CCBE1: variants seen among roughly 807,000 people sequenced by gnomAD.
CCBE1 encodes the protein collagen and calcium binding EGF domains 1, also known as collagen and calcium-binding EGF domain-containing protein 1.
A neutral mutation model predicts 50.0 loss-of-function variants in CCBE1; 37 were observed. The observed-to-expected ratio is 0.74, with a 90% CI of 0.57 to 0.97. CCBE1 has a LOEUF of 0.97. Ranked by LOEUF, CCBE1 falls within the 50% of genes least tolerant of loss-of-function variation. The pLI is 0.00. For missense variants in CCBE1, 538 were observed against 523.8 expected (o/e 1.03, Z -0.26); for synonymous variants, 234 against 203.7 (o/e 1.15, Z -1.27).
At chr18:59,481,950 G>T (rs1477656460) in intron 2 of CCBE1, among the ~76,000 whole-genome samples, 1 of 152,068 alleles carries the variant, frequency 6.6e-6, no homozygotes, top group Non-Finnish European at 1.5e-5. Context: ...AGGTTACATA[G>T]GTATACGCCA....
chr18:59,466,671 C>A (rs574501504), intron 5 of CCBE1, 68 bp downstream of exon 5: 1 of 1,074,274 alleles, frequency 9.3e-7, no homozygotes, highest in Non-Finnish European at 1.3e-6. Context: ...TATAAACCCC[C>A]AAACTGGTTA....
intron 2 of CCBE1, among the ~76,000 whole-genome samples, chr18:59,662,680 C>T (rs1477453760): frequency 6.6e-6 from 1 of 152,172 alleles, no homozygotes; most frequent in African/African-American, 2.4e-5. Flanking sequence ...AGAGCTAAGC[C>T]CAGTCATAAA....
At chr18:59,572,076 G>T (rs967740479) in intron 2 of CCBE1, among the ~76,000 whole-genome samples, 1 of 152,198 alleles carries the variant, frequency 6.6e-6, no homozygotes, top group South Asian at 2.1e-4. Flanking sequence ...ATGGTATCTG[G>T]AGAAGAAAAC....
chr18:59,551,856 C>T (rs1483364800), intron 2 of CCBE1, among the ~76,000 whole-genome samples: 1 of 152,210 alleles, frequency 6.6e-6, no homozygotes, highest in Non-Finnish European at 1.5e-5. Flanking sequence ...TCCTAGTGCT[C>T]AGTTTCTTCG....
At chr18:59,653,443 A>T (rs2054151158) in intron 2 of CCBE1, among the ~76,000 whole-genome samples, 1 of 152,230 alleles carries the variant, frequency 6.6e-6, no homozygotes, top group South Asian at 2.1e-4. Context: ...CTAGACAAAA[A>T]TCATAAACAA....
intron 2 of CCBE1, among the ~76,000 whole-genome samples, chr18:59,647,716 T>G (rs183386368): frequency 1.3e-5 from 2 of 152,340 alleles, no homozygotes; most frequent in Non-Finnish European, 1.5e-5. Context: ...TAGGTACTTA[T>G]AAGGAGAGAA....
At chr18:59,441,406 A>G (rs1910415680) in intron 7 of CCBE1, among the ~76,000 whole-genome samples, 1 of 151,264 alleles carries the variant, frequency 6.6e-6, no homozygotes, top group African/African-American at 2.4e-5. Context: ...GCTACTCAGG[A>G]GGCTGAAGCG....
intron 2 of CCBE1, among the ~76,000 whole-genome samples, chr18:59,669,479 G>A (rs1218262832): frequency 4.6e-5 from 7 of 152,208 alleles, no homozygotes; most frequent in African/African-American, 1.4e-4. Context: ...TGAGGTACAG[G>A]GAATATCTGT....
At chr18:59,537,452 T>C (rs1915295560) in intron 2 of CCBE1, among the ~76,000 whole-genome samples, 1 of 152,160 alleles carries the variant, frequency 6.6e-6, no homozygotes, top group Non-Finnish European at 1.5e-5. Context: ...AGTGAATAAG[T>C]CTCATGAGAC....
intron 3 of CCBE1, among the ~76,000 whole-genome samples, chr18:59,472,907 G>C (rs992988639): frequency 6.6e-6 from 1 of 152,216 alleles, no homozygotes; most frequent in Non-Finnish European, 1.5e-5. Flanking sequence ...ACAAGAGAGA[G>C]CTTGTGCATG....
At chr18:59,583,014 G>A (rs567149521) in intron 2 of CCBE1, among the ~76,000 whole-genome samples, 42 of 152,136 alleles carry the variant, frequency 2.8e-4, no homozygotes, top group Non-Finnish European at 4.7e-4. Flanking sequence ...GTAGAGATGG[G>A]ATCTATGTTG....
intron 2 of CCBE1, among the ~76,000 whole-genome samples, chr18:59,554,848 G>T (rs1344914466): frequency 6.6e-6 from 1 of 152,204 alleles, no homozygotes; most frequent in Admixed American, 6.5e-5. Flanking sequence ...CCAGAGTGCA[G>T]GTCATGGCCC....
chr18:59,538,821 G>A (rs750583073), intron 2 of CCBE1, among the ~76,000 whole-genome samples: 12 of 152,178 alleles, frequency 7.9e-5, no homozygotes, highest in Non-Finnish European at 2.9e-5. Context: ...CCATTGGAGG[G>A]TAGGGACTTA....
chr18:59,693,293 T>C (rs1009217468), intron 2 of CCBE1, among the ~76,000 whole-genome samples: 1 of 152,150 alleles, frequency 6.6e-6, no homozygotes, highest in Non-Finnish European at 1.5e-5. Flanking sequence ...AATTATGTAA[T>C]GCAAAATTTT....
chr18:59,622,784 A>G (rs2053730045), intron 2 of CCBE1, among the ~76,000 whole-genome samples: 1 of 151,008 alleles, frequency 6.6e-6, no homozygotes, highest in African/African-American at 2.4e-5. Context: ...CCTGGGTGAC[A>G]GAGAGAGATT....
At chr18:59,605,879 G>A (rs1401633638) in intron 2 of CCBE1, among the ~76,000 whole-genome samples, 2 of 152,166 alleles carry the variant, frequency 1.3e-5, no homozygotes, top group African/African-American at 4.8e-5. Flanking sequence ...TTTTTGGGAG[G>A]AAAAGGTGAA....
At chr18:59,544,852 A>G (rs1028614071) in intron 2 of CCBE1, among the ~76,000 whole-genome samples, 7 of 152,240 alleles carry the variant, frequency 4.6e-5, no homozygotes. Context: ...AGTGTTAGGG[A>G]ATGCAATGAG....
chr18:59,579,831 G>A (rs1353453382), intron 2 of CCBE1, among the ~76,000 whole-genome samples: 2 of 152,010 alleles, frequency 1.3e-5, no homozygotes, highest in Non-Finnish European at 2.9e-5. Flanking sequence ...TGACTTCCCC[G>A]ACTGAGACAG....
chr18:59,676,536 C>T (rs115267417), intron 2 of CCBE1, among the ~76,000 whole-genome samples: 2,012 of 152,320 alleles, frequency 0.013, 50 homozygotes, highest in African/African-American at 0.042. Context: ...AAACATGCCT[C>T]TATTTCAGAG....
Sources: allele counts gnomAD v4.1 joint callset (sites outside exome capture counted in the v4.1 genomes callset), GRCh38; gene constraint gnomAD v4.1.1; transcripts MANE v1.5; gene names NCBI Gene and HGNC (gene_info 2026-07-23, HGNC 2026-07-21).